Variants in RHEX observed in about 807,000 individuals in gnomAD.
RHEX encodes the protein regulator of hemoglobinization and erythroid cell expansion, also known as regulator of hemoglobinization and erythroid cell expansion protein.
Under a neutral mutation model 20.1 loss-of-function variants are expected in RHEX, and 18 were observed. The observed-to-expected ratio is 0.90, with a 90% CI of 0.62 to 1.33. The LOEUF (loss-of-function observed/expected upper bound fraction) is 1.33. Ranked by LOEUF, RHEX falls within the 40% of genes most tolerant of loss-of-function variation. The pLI is 0.00. For synonymous variants in RHEX, 87 were observed against 77.1 expected, an observed-to-expected ratio of 1.13 and a Z score of -0.67; for missense variants, 192 against 214.3, an observed-to-expected ratio of 0.90 and a Z score of 0.65.
intron 1 of RHEX, chr1:206,060,789 T>G (rs1184083973): frequency 1.3e-5 from 2 of 152,174 alleles, no homozygotes; most frequent in Admixed American, 1.3e-4. Context: ...ATCTTGCTCC[T>G]GGTGGGTCTC....
chr1:206,088,298 A>G lies in RHEX; in HGVS notation c.-96-9435A>G, dbSNP rs187460979. 6.0e-3 allele frequency among the ~76,000 whole-genome samples: 919 copies of G among 152,344 alleles called. 11 individuals carry two copies. Among genetic ancestry groups the G allele is most frequent in the South Asian group, 0.017 (84 of 4,828 alleles). On this transcript the variant is annotated intron_variant, in intron 1 of 5. Coordinates refer to ENST00000331555, the MANE Select transcript of RHEX (RefSeq NM_001007544.4). ...ATCTTCTTTCATTCCCTCCATATGA[A>G]TAAAGTGCATTTAAATAACATCCTA...
intron 1 of RHEX, among the ~76,000 whole-genome samples, chr1:206,065,752 C>T (rs1553284111): frequency 6.6e-6 from 1 of 152,222 alleles, no homozygotes; most frequent in East Asian, 1.9e-4. Flanking sequence ...TGGGAAGCTG[C>T]CTCTCCATCC....
At chr1:206,077,219 C>T (rs531434338) in intron 1 of RHEX, among the ~76,000 whole-genome samples, 1 of 151,930 alleles carries the variant, frequency 6.6e-6, no homozygotes, top group African/African-American at 2.4e-5. Context: ...GATGGTGAGC[C>T]GGTGATGACT....
chr1:206,099,639 G>A lies in RHEX; in HGVS notation c.113-16G>A. ...TGGCCAGTTTCCACTTTTGATCCCT[G>A]CCCTCTCCCTTCCAGCCCACAAGAG... On this transcript the variant is annotated splice_polypyrimidine_tract_variant and intron_variant, in intron 3 of 5. Transcript: ENST00000331555. 2 of 1,612,440 alleles carry A rather than the reference G, an allele frequency of 1.2e-6. No homozygotes were observed. Among genetic ancestry groups the A allele is most frequent in the Middle Eastern group, 1.7e-4 (1 of 5,726 alleles).
In RHEX at chr1:206,089,859, CT is replaced by C. The variant is rs1378270706; in HGVS notation, c.-96-7873del. Among the ~76,000 whole-genome samples the C allele has an allele frequency of 3.3e-5, 5 of 152,008 alleles. No individual in the cohort carries two copies. The East Asian group carries it at 9.6e-4, about 29-fold the overall frequency. ...TGCATATAAACTGAGAAAGTTTTCT[CT>C]CATCTGGGGATTTAACAAATATTAT... is the stretch of plus-strand genomic sequence containing the variant. On this transcript the variant is annotated intron_variant, in intron 1 of 5. Transcript: ENST00000331555.
chr1:206,096,781 G>T (rs28448763), intron 1 of RHEX, among the ~76,000 whole-genome samples: 67,713 of 132,610 alleles, frequency 0.51, 15,540 homozygotes, highest in African/African-American at 0.63. Flanking sequence ...TTTTTTTTTG[G>T]TTTTTTTTTT....
chr1:206,083,707 G>A (rs1662780358), intron 1 of RHEX: 2 of 899,942 alleles, frequency 2.2e-6, no homozygotes, highest in East Asian at 1.2e-4. Context: ...GCATTTGTTT[G>A]CGAGCATATA....
intron 3 of RHEX, 145 bp downstream of exon 3, chr1:206,098,326 C>A: frequency 3.2e-6 from 2 of 621,496 alleles, no homozygotes; most frequent in Non-Finnish European, 5.9e-6. Context: ...TCCCACCGCT[C>A]CCCCTCCCCC....
intron 1 of RHEX, among the ~76,000 whole-genome samples, chr1:206,059,733 T>G (rs1571850663): frequency 6.6e-6 from 1 of 152,194 alleles, no homozygotes; most frequent in Middle Eastern, 3.4e-3. Flanking sequence ...GGTTTAAGAT[T>G]CCTTTTAGCT....
chr1:206,099,947 T>G (rs1286434506), intron 4 of RHEX, 149 bp downstream of exon 4: 4 of 696,036 alleles, frequency 5.7e-6, no homozygotes, highest in African/African-American at 3.6e-5. Context: ...CCAGCCTACT[T>G]TTTTTCAGAA....
At chr1:206,092,873 A>AT (rs1452683014) in intron 1 of RHEX, among the ~76,000 whole-genome samples, 33 of 152,270 alleles carry the variant, frequency 2.2e-4, no homozygotes, top group African/African-American at 7.7e-4. Flanking sequence ...GGAAATAAAG[A>AT]TTTTTTTATT....
At chr1:206,100,505 C>T (rs1440214266) in intron 4 of RHEX, among the ~76,000 whole-genome samples, 1 of 152,156 alleles carries the variant, frequency 6.6e-6, no homozygotes, top group Non-Finnish European at 1.5e-5. Flanking sequence ...CCTGTGGGGA[C>T]CTGAGGGTGC....
intron 1 of RHEX, among the ~76,000 whole-genome samples, chr1:206,078,148 A>G (rs1553285455): frequency 6.6e-6 from 1 of 152,230 alleles, no homozygotes; most frequent in Admixed American, 6.5e-5. Context: ...CTCATTATGT[A>G]TATGAAAATA....
At chr1:206,095,292 A>G (rs1553287527) in intron 1 of RHEX, among the ~76,000 whole-genome samples, 2 of 152,204 alleles carry the variant, frequency 1.3e-5, no homozygotes, top group East Asian at 3.9e-4. Context: ...GACAAAAATT[A>G]GGTGTCAAAT....
chr1:206,064,270 C>G (rs1662371141), intron 1 of RHEX, among the ~76,000 whole-genome samples: 1 of 138,534 alleles, frequency 7.2e-6, no homozygotes. Flanking sequence ...TGGGGGGGGT[C>G]AGCCCCCCGC....
intron 1 of RHEX, among the ~76,000 whole-genome samples, chr1:206,094,310 A>T (rs1248122235): frequency 6.6e-6 from 1 of 152,196 alleles, no homozygotes; most frequent in African/African-American, 2.4e-5. Flanking sequence ...TTAGCCACTT[A>T]AATAATGACA....
intron 1 of RHEX, among the ~76,000 whole-genome samples, chr1:206,093,148 C>T (rs1263062217): frequency 6.6e-6 from 1 of 152,114 alleles, no homozygotes; most frequent in Non-Finnish European, 1.5e-5. Context: ...TATACCTTAG[C>T]TAATGTTAAA....
At chr1:206,081,422 T>G (rs978142689) in intron 1 of RHEX, among the ~76,000 whole-genome samples, 4 of 152,178 alleles carry the variant, frequency 2.6e-5, no homozygotes, top group Admixed American at 2.6e-4. Context: ...CTGGAAATGA[T>G]CTAATCAAAA....
intron 1 of RHEX, among the ~76,000 whole-genome samples, chr1:206,076,035 C>T (rs1274581736): frequency 2.0e-5 from 3 of 152,150 alleles, no homozygotes; most frequent in African/African-American, 7.2e-5. Flanking sequence ...CTTAGATGTG[C>T]TAATGCAATA....
Sources: allele counts gnomAD v4.1 joint callset (sites outside exome capture counted in the v4.1 genomes callset), GRCh38; gene constraint gnomAD v4.1.1; transcripts MANE v1.5; gene names NCBI Gene and HGNC (gene_info 2026-07-23, HGNC 2026-07-21).